Variants in RCBTB1 observed in about 807,000 individuals in gnomAD.
RCBTB1 encodes RCC1 and BTB domain containing protein 1.
Under a neutral mutation model 62.4 loss-of-function variants are expected in RCBTB1, and 46 were observed. That is an observed-to-expected ratio of 0.74 (90% CI 0.58 to 0.94). RCBTB1 has a LOEUF of 0.94. RCBTB1 is among the 40% of genes least tolerant of loss of function. The pLI, the probability that RCBTB1 is intolerant of heterozygous loss-of-function variation, is 0.00. For missense variants in RCBTB1, 565 were observed against 654.9 expected, an observed-to-expected ratio of 0.86 and a Z score of 1.50; for synonymous variants, 222 against 245.8, an observed-to-expected ratio of 0.90 and a Z score of 0.91.
At chr13:49,554,842 G>A (rs868791632) in intron 6 of RCBTB1, among the ~76,000 whole-genome samples, 1 of 152,128 alleles carries the variant, frequency 6.6e-6, no homozygotes, top group African/African-American at 2.4e-5. Context: ...AAAAGGTTGG[G>A]GACCACTGCC....
At chr13:49,541,652 T>C (rs202101078) in intron 11 of RCBTB1, 24 bp downstream of exon 11, 4 of 1,590,294 alleles carry the variant, frequency 2.5e-6, no homozygotes, top group East Asian at 2.3e-5. Context: ...ATGCGGCTCG[T>C]CCATCCCAAT....
intron 12 of RCBTB1, among the ~76,000 whole-genome samples, chr13:49,539,090 A>T (rs139639100): frequency 7.2e-5 from 11 of 151,900 alleles, no homozygotes; most frequent in Admixed American, 6.5e-4. Flanking sequence ...GGCTGGTCTC[A>T]AACTCCTGAT....
intron 6 of RCBTB1, among the ~76,000 whole-genome samples, chr13:49,552,510 C>G (rs1422122032): frequency 6.6e-6 from 1 of 152,162 alleles, no homozygotes; most frequent in Admixed American, 6.5e-5. Context: ...TGGGGCAAGT[C>G]ACTCTTTCCT....
chr13:49,577,399 G>A (rs1374232945), intron 2 of RCBTB1, among the ~76,000 whole-genome samples: 1 of 152,178 alleles, frequency 6.6e-6, no homozygotes, highest in Non-Finnish European at 1.5e-5. Context: ...AATGGTACAG[G>A]AAAACTGGTT....
chr13:49,561,958 C>G (rs148490155), intron 4 of RCBTB1, among the ~76,000 whole-genome samples: 2 of 151,518 alleles, frequency 1.3e-5, no homozygotes, highest in Non-Finnish European at 2.9e-5. Context: ...CAAAAATCAG[C>G]CAGGCATGGT....
chr13:49,542,389 T>C (rs1223611872), intron 10 of RCBTB1, among the ~76,000 whole-genome samples: 2 of 152,212 alleles, frequency 1.3e-5, no homozygotes, highest in Non-Finnish European at 2.9e-5. Context: ...TAGGTATACA[T>C]AGAGCCTGGA....
rs1566249913 is a variant in RCBTB1 at position 49,562,776 on chromosome 13, C to CCTTTTTTTTTTTTTTTTTTTTTTT, written c.278-2693_278-2692insAAAAAAAAAAAAAAAAAAAAAAAG. Among the ~76,000 whole-genome samples, 2 of 61,344 alleles carry CCTTTTTTTTTTTTTTTTTTTTTTT rather than the reference C, an allele frequency of 3.3e-5. 1 individual carries two copies. Among genetic ancestry groups the CCTTTTTTTTTTTTTTTTTTTTTTT allele is most frequent in the African/African-American group, 1.0e-4 (2 of 19,672 alleles). 40.2% of individuals were successfully genotyped at this position (61,344 alleles called of 152,430 possible). A position where few individuals can be genotyped will look rare whatever the true frequency, so the allele number is the denominator to read the frequency against. On this transcript the variant is annotated intron_variant, in intron 4 of 12. Coordinates refer to ENST00000378302, the MANE Select transcript of RCBTB1 (RefSeq NM_018191.4). ...TACAGGTGCGTGCCACCATCCCCGG[C>CCTTTTTTTTTTTTTTTTTTTTTTT]TTTTTTTTTTTTTTTTTTTTTTTTT...
rs1299794671 is a variant in RCBTB1, at chr13:49,556,639, AC to A, written c.445-967del. Among the ~76,000 whole-genome samples the A allele has an allele frequency of 2.6e-5, 4 of 152,140 alleles. No individual in the cohort carries two copies. The East Asian group carries it at 7.7e-4, about 29-fold the overall frequency. On this transcript the variant is annotated intron_variant, in intron 5 of 12. Transcript: ENST00000378302. ...TTCACGTGGCTGCAGGAGGTGGTCC[AC>A]GTATATACTGAGTGTGGCTTCCATG...
Position 49,566,605 on chromosome 13 carries a change from GT to G in RCBTB1, c.277+12del, listed in dbSNP as rs1249852879. The G allele has an allele frequency of 6.2e-7, 1 of 1,610,304 alleles. No individual in the cohort carries two copies. Among genetic ancestry groups the G allele is most frequent in the East Asian group, 2.2e-5 (1 of 44,864 alleles). ...TCTTACAAACTGAAAAGTTAGATGGGTTCCCTCCTTACCTTCGGTGCTGAGA... is the reference window on the plus strand; with the variant it reads ...TCTTACAAACTGAAAAGTTAGATGGGTCCCTCCTTACCTTCGGTGCTGAGA... On this transcript the variant is annotated intron_variant, in intron 4 of 12. Transcript: ENST00000378302.
intron 2 of RCBTB1, among the ~76,000 whole-genome samples, chr13:49,570,778 C>T (rs1324821179): frequency 6.6e-6 from 1 of 152,214 alleles, no homozygotes; most frequent in Non-Finnish European, 1.5e-5. Flanking sequence ...AATTAGGTAG[C>T]TTCCATACAT....
At position 49,585,428 on chromosome 13, in the gene RCBTB1, C is replaced by G. The variant is rs1256214934; in HGVS notation, c.-122+16G>C. The G allele has an allele frequency of 6.6e-6, 1 of 152,366 alleles. No individual in the cohort carries two copies. The highest frequency in any genetic ancestry group is 1.5e-5 in the Non-Finnish European group (1 of 68,200). 9.4% of individuals were successfully genotyped at this position (152,366 alleles called of 1,614,324 possible). A position where few individuals can be genotyped will look rare whatever the true frequency, so the allele number is the denominator to read the frequency against. On this transcript the variant is annotated intron_variant, in intron 1 of 12. Transcript: ENST00000378302. ...GAAGAGGCCTCCGCGAGCTCGACCC[C>G]GCGCCCACACGCTACCTGCGAGGTC...
At chr13:49,575,866 G>A (rs142091390) in intron 2 of RCBTB1, among the ~76,000 whole-genome samples, 331 of 152,152 alleles carry the variant, frequency 2.2e-3, no homozygotes, top group African/African-American at 7.6e-3. Flanking sequence ...TAACAAACCT[G>A]CATATGTACT....
At chr13:49,584,910 T>G (rs1182096253) in intron 1 of RCBTB1, among the ~76,000 whole-genome samples, 1 of 152,126 alleles carries the variant, frequency 6.6e-6, no homozygotes, top group East Asian at 1.9e-4. Flanking sequence ...CGTCACTTAT[T>G]TAGAGTTCAC....
Position 49,559,989 on chromosome 13 carries a change from G to A in RCBTB1, c.373C>T (p.Leu125Phe), listed in dbSNP as rs748883026. 377 of 1,614,064 alleles carry A rather than the reference G, an allele frequency of 2.3e-4. No homozygotes were observed. Among genetic ancestry groups the A allele is most frequent in the Non-Finnish European group, 3.0e-4 (351 of 1,180,026 alleles). The change falls in exon 5 of 13, where the codon CTC (leucine) becomes TTC (phenylalanine). Residue 125 changes from leucine (L) to phenylalanine (F), a missense_variant. By Grantham distance (22) the Leu-to-Phe change is conservative. Transcript: ENST00000378302. ...GIAPVQVCTN[L>F]LIKQVVEVAC... ...ACTTCCACCACTTGCTTGATCAAGA[G>A]ATTGGTACAGACCTGGACGGGAGCA...
At chr13:49,579,821 C>T (rs1963995426) in intron 2 of RCBTB1, among the ~76,000 whole-genome samples, 1 of 152,252 alleles carries the variant, frequency 6.6e-6, no homozygotes, top group South Asian at 2.1e-4. Context: ...CTGATTGTGC[C>T]TACCCTTTGT....
At chr13:49,541,985 C>T (rs544009323) in intron 10 of RCBTB1, among the ~76,000 whole-genome samples, 158 bp from the exon 11 acceptor site, 1 of 152,050 alleles carries the variant, frequency 6.6e-6, no homozygotes, top group Non-Finnish European at 1.5e-5. Context: ...GGAGGCCAAG[C>T]GGGTAGATCA....
At chr13:49,541,438 A>T (rs780700594) in intron 11 of RCBTB1, among the ~76,000 whole-genome samples, 92 of 120,768 alleles carry the variant, frequency 7.6e-4, no homozygotes, top group Middle Eastern at 8.3e-3. Flanking sequence ...AAAATAAATT[A>T]AAAAAAAAAA....
At chr13:49,534,530 G>A (rs982472437) in intron 12 of RCBTB1, among the ~76,000 whole-genome samples, 3 of 150,280 alleles carry the variant, frequency 2.0e-5, no homozygotes, top group East Asian at 2.0e-4. Flanking sequence ...ACACACACAC[G>A]CAAGATCTAC....
At chr13:49,534,402 G>T in intron 12 of RCBTB1, 140 bp from the exon 13 acceptor site, 1 of 776,102 alleles carries the variant, frequency 1.3e-6, no homozygotes, top group Non-Finnish European at 2.0e-6. Context: ...CTAAAACTAG[G>T]CAAAAAGGTG....
Sources: allele counts gnomAD v4.1 joint callset (sites outside exome capture counted in the v4.1 genomes callset), GRCh38; gene constraint gnomAD v4.1.1; transcripts MANE v1.5; gene names NCBI Gene and HGNC (gene_info 2026-07-23, HGNC 2026-07-21).